Variants in CADM2 observed in about 807,000 individuals in gnomAD.
The protein encoded by CADM2 is cell adhesion molecule 2, also known as immunoglobulin superfamily member 4D.
A neutral mutation model predicts 49.8 loss-of-function variants in CADM2; 12 were observed. The ratio of observed to expected loss-of-function variants is 0.24; its 90% CI spans 0.15 to 0.39. The LOEUF is 0.39. Among genes scored for constraint, CADM2 ranks in the 10% least tolerant of loss-of-function variants. The pLI, the probability that CADM2 is intolerant of heterozygous loss-of-function variation, is 1.00. For synonymous variants in CADM2, 214 were observed against 175.4 expected, an observed-to-expected ratio of 1.22 and a Z score of -1.74; for missense variants, 378 against 492.3, an observed-to-expected ratio of 0.77 and a Z score of 2.20.
At chr3:85,901,125 C>G (rs1716063216) in intron 5 of CADM2, among the ~76,000 whole-genome samples, 1 of 152,164 alleles carries the variant, frequency 6.6e-6, no homozygotes, top group Admixed American at 6.5e-5. Context: ...ACTTGGGAGG[C>G]AGAGGTTGCA....
intron 1 of CADM2, among the ~76,000 whole-genome samples, chr3:85,014,524 C>T (rs2034158438): frequency 6.6e-6 from 1 of 152,122 alleles, no homozygotes; most frequent in Admixed American, 6.5e-5. Flanking sequence ...TTTCAGGCAT[C>T]TCCTGGAGGG....
chr3:85,060,472 C>T lies in CADM2; in HGVS notation c.61+100804C>T, dbSNP rs116482881. Among the ~76,000 whole-genome samples the T allele has an allele frequency of 1.9e-3, 294 of 152,158 alleles. 2 individuals carry two copies. The highest frequency in any genetic ancestry group is 6.7e-3 in the African/African-American group (279 of 41,518). The stretch of plus-strand genomic sequence containing the variant: ...TTTTGCATTCCTGCTTAAAATATCC[C>T]GAAATATGTCCTATCTGTAAGAATT... On this transcript the variant is annotated intron_variant, in intron 1 of 9. Coordinates refer to ENST00000383699, the MANE Select transcript of CADM2 (RefSeq NM_001167675.2).
intron 1 of CADM2, among the ~76,000 whole-genome samples, chr3:85,598,416 G>T (rs559158035): frequency 2.1e-4 from 32 of 151,964 alleles, no homozygotes; most frequent in Non-Finnish European, 3.5e-4. Flanking sequence ...ATAATATTTA[G>T]AATTTTTTAG....
At chr3:85,709,121 C>T (rs2067037748) in intron 1 of CADM2, among the ~76,000 whole-genome samples, 2 of 152,052 alleles carry the variant, frequency 1.3e-5, no homozygotes, top group South Asian at 4.1e-4. Context: ...ACTCAGATCT[C>T]TAAACACATG....
chr3:85,526,795 T>C (rs1016883788), intron 1 of CADM2, among the ~76,000 whole-genome samples: 1 of 152,162 alleles, frequency 6.6e-6, no homozygotes, highest in Non-Finnish European at 1.5e-5. Context: ...TCATGTGTTA[T>C]AATTTACCCT....
intron 1 of CADM2, among the ~76,000 whole-genome samples, chr3:85,504,062 TAAAGA>T (rs1323596000): frequency 6.6e-6 from 1 of 152,166 alleles, no homozygotes; most frequent in Non-Finnish European, 1.5e-5. Flanking sequence ...CTTACTGACT[TAAAGA>T]ATAGAAGCCG....
intron 1 of CADM2, among the ~76,000 whole-genome samples, chr3:85,380,406 T>C (rs1411857834): frequency 2.6e-5 from 4 of 152,010 alleles, no homozygotes; most frequent in Non-Finnish European, 5.9e-5. Flanking sequence ...TAACAGTGTC[T>C]AGCATTTTAA....
At chr3:85,731,020 T>C (rs1392180583) in intron 2 of CADM2, among the ~76,000 whole-genome samples, 1 of 152,158 alleles carries the variant, frequency 6.6e-6, no homozygotes, top group Non-Finnish European at 1.5e-5. Context: ...TTGAGATATA[T>C]ATGGTTCAAA....
intron 1 of CADM2, among the ~76,000 whole-genome samples, chr3:85,618,965 C>T (rs575608211): frequency 3.8e-4 from 58 of 151,774 alleles, no homozygotes; most frequent in African/African-American, 1.3e-3. Flanking sequence ...CGCTTGAACC[C>T]GGGAGGCAGA....
chr3:85,019,376 G>A (rs535544207), intron 1 of CADM2, among the ~76,000 whole-genome samples: 51 of 152,212 alleles, frequency 3.4e-4, no homozygotes, highest in Non-Finnish European at 5.7e-4. Context: ...CCAGCAACTC[G>A]GGAGGCTGAG....
At chr3:85,640,613 G>T (rs1040008961) in intron 1 of CADM2, among the ~76,000 whole-genome samples, 13 of 152,116 alleles carry the variant, frequency 8.5e-5, no homozygotes, top group African/African-American at 2.9e-4. Context: ...GACCTGGTTG[G>T]TGGGGAAAGC....
intron 1 of CADM2, 39 bp downstream of exon 1, chr3:84,959,707 C>CATTCT (rs2030262972): frequency 6.6e-7 from 1 of 1,514,624 alleles, no homozygotes; most frequent in South Asian, 1.2e-5. Context: ...CAACTTCTCG[C>CATTCT]CCATTCCCCA....
At chr3:85,471,215 C>T (rs921158008) in intron 1 of CADM2, among the ~76,000 whole-genome samples, 1 of 152,024 alleles carries the variant, frequency 6.6e-6, no homozygotes, top group Admixed American at 6.6e-5. Flanking sequence ...CTATCTTGTC[C>T]CTCTACCATA....
At chr3:85,586,467 A>G (rs2062949458) in intron 1 of CADM2, among the ~76,000 whole-genome samples, 1 of 152,166 alleles carries the variant, frequency 6.6e-6, no homozygotes. Flanking sequence ...AATGATAATT[A>G]CAAGTGCAAT....
At position 85,655,797 on chromosome 3, in the gene CADM2, C is replaced by T. The variant is rs536764481; in HGVS notation, c.62-70725C>T. Among the ~76,000 whole-genome samples, 11 of 152,236 alleles carry T rather than the reference C, an allele frequency of 7.2e-5. No homozygotes were observed. The South Asian group carries it at 1.2e-3, about 17-fold the overall frequency. ...GATTGTTAAAACACAGATTCTTGGG[C>T]CCCATTCCCCAAGTTTCTTAGTAGG... On this transcript the variant is annotated intron_variant, in intron 1 of 9. Transcript: ENST00000383699.
At chr3:85,545,406 T>C (rs890131320) in intron 1 of CADM2, among the ~76,000 whole-genome samples, 5 of 152,316 alleles carry the variant, frequency 3.3e-5, no homozygotes, top group African/African-American at 1.2e-4. Context: ...TTGTTTAATA[T>C]ATAGGAAAAT....
intron 1 of CADM2, among the ~76,000 whole-genome samples, chr3:85,145,110 G>A (rs538003532): frequency 1.4e-4 from 22 of 152,104 alleles, no homozygotes; most frequent in African/African-American, 5.3e-4. Context: ...AAAATTTTTT[G>A]GAAATATTTG....
intron 1 of CADM2, among the ~76,000 whole-genome samples, chr3:85,691,963 C>T (rs1171116660): frequency 9.2e-5 from 14 of 151,564 alleles, no homozygotes; most frequent in Non-Finnish European, 1.3e-4. Context: ...CATCACACAC[C>T]GGGGCCTGTT....
intron 1 of CADM2, among the ~76,000 whole-genome samples, chr3:85,337,036 T>C (rs1196824396): frequency 7.2e-6 from 1 of 138,908 alleles, no homozygotes; most frequent in African/African-American, 2.8e-5. Context: ...TATAAATATA[T>C]ATATATAAAT....
Sources: allele counts gnomAD v4.1 joint callset (sites outside exome capture counted in the v4.1 genomes callset), GRCh38; gene constraint gnomAD v4.1.1; transcripts MANE v1.5; gene names NCBI Gene and HGNC (gene_info 2026-07-23, HGNC 2026-07-21).